The following TP73 variants were observed in gnomAD, a reference collection of about 807,000 sequenced individuals.
The protein encoded by TP73 is tumor protein p73.
In TP73, 25 loss-of-function variants were observed where a neutral mutation model predicts 62.5. That is an observed-to-expected ratio of 0.40 (90% confidence interval 0.29 to 0.56). The LOEUF is 0.56. Ranked by LOEUF, TP73 falls within the 20% of genes least tolerant of loss-of-function variation. TP73 has a pLI of 0.46. For missense variants in TP73, 754 were observed against 913.3 expected, an observed-to-expected ratio of 0.83 and a Z score of 2.25; for synonymous variants, 423 against 377.5, an observed-to-expected ratio of 1.12 and a Z score of -1.40.
chr1:3,688,111 G>T (rs1209281513), intron 3 of TP73, among the ~76,000 whole-genome samples: 1 of 152,138 alleles, frequency 6.6e-6, no homozygotes, highest in Non-Finnish European at 1.5e-5. Context: ...GAGGAAGGGT[G>T]GGGTCATGCG....
rs975812372 is a variant in TP73 at position 3,701,164 on chromosome 1, G to T, written c.187-6385G>T. Among the ~76,000 whole-genome samples, 10 of 152,132 alleles carry T rather than the reference G, an allele frequency of 6.6e-5. No homozygotes were observed. Among genetic ancestry groups the T allele is most frequent in the Non-Finnish European group, 1.2e-4 (8 of 68,026 alleles). On this transcript the variant is annotated intron_variant, in intron 3 of 13. Transcript: ENST00000378295. This position sits in a 1 kb window ranked among gnomAD's most constrained non-coding sequence, Gnocchi z 4.7. ...GCGTCCTGTCGGTACTGGCTATCTG[G>T]ACACCTCGGGGAACAGGAGAGACCC...
intron 6 of TP73, among the ~76,000 whole-genome samples, chr1:3,726,572 T>G (rs1570628048): frequency 1.6e-5 from 2 of 125,786 alleles, no homozygotes; most frequent in South Asian, 2.7e-4. Flanking sequence ...AGATAATAAG[T>G]GGGGGAGTGG....
intron 10 of TP73, 47 bp downstream of exon 10, chr1:3,729,495 C>G (rs1212539272): frequency 1.2e-6 from 2 of 1,610,218 alleles, no homozygotes; most frequent in African/African-American, 2.7e-5. Flanking sequence ...GAGGACATGG[C>G]TTAACCCCCC....
chr1:3,668,888 TG>T (rs1557490814), intron 1 of TP73: 1 of 152,612 alleles, frequency 6.6e-6, no homozygotes, highest in Non-Finnish European at 1.5e-5. Flanking sequence ...TGAGGAGGGT[TG>T]GGGGGAGCAG....
chr1:3,731,158 T>G, intron 12 of TP73, 93 bp downstream of exon 12: 1 of 1,510,244 alleles, frequency 6.6e-7, no homozygotes, highest in Non-Finnish European at 8.9e-7. Context: ...CCCCACCCTG[T>G]GTGCTCACCA....
intron 3 of TP73, among the ~76,000 whole-genome samples, chr1:3,695,032 C>T (rs1261897757): frequency 2.0e-5 from 3 of 152,220 alleles, no homozygotes; most frequent in East Asian, 1.9e-4. Flanking sequence ...ACTGTCCTTC[C>T]ACATGGGGGA....
At chr1:3,725,546 C>T (rs1360607950) in intron 6 of TP73, among the ~76,000 whole-genome samples, 297 of 8,346 alleles carry the variant, frequency 0.036, 1 homozygote, top group Non-Finnish European at 0.051. Context: ...ATAGGGTGGG[C>T]GGATGGATGG....
At position 3,656,709 on chromosome 1, in the gene TP73, G is replaced by A. The variant is rs117365674; in HGVS notation, c.-34+4068G>A. 4.1e-4 allele frequency among the ~76,000 whole-genome samples: 62 copies of A among 152,330 alleles called. 1 individual carries two copies. In the East Asian group the frequency reaches 0.011, roughly 27 times the overall value. On this transcript the variant is annotated intron_variant, in intron 1 of 13. Transcript: ENST00000378295. ...CTGGGTCTGCCGTTGGCTCAGACACGGCCCCCAGACACCTAGGACCGTGGA... is the reference window on the plus strand; with the variant it reads ...CTGGGTCTGCCGTTGGCTCAGACACAGCCCCCAGACACCTAGGACCGTGGA...
In TP73 at chr1:3,707,772, C is replaced by G. The variant is rs2124395749; in HGVS notation, c.410C>G (p.Ala137Gly). 2 of 1,612,860 alleles carry G rather than the reference C, an allele frequency of 1.2e-6. No homozygotes were observed. The highest frequency in any genetic ancestry group is 1.7e-6 in the Non-Finnish European group (2 of 1,179,886). ...FEVTFQQSST[A>G]KSATWTYSPL... is the part of the protein sequence containing the mutation. ...GTCACTTTCCAGCAGTCCAGCACGG[C>G]CAAGTCAGCCACCTGGACGGTGAGT... is the stretch of plus-strand genomic sequence containing the variant. The change falls in exon 4 of 14, where the codon GCC (alanine) becomes GGC (glycine). Residue 137 changes from alanine (A) to glycine (G), a missense_variant. Coordinates refer to ENST00000378295, the MANE Select transcript of TP73 (RefSeq NM_005427.4).
At chr1:3,688,939 G>C (rs1645735911) in intron 3 of TP73, among the ~76,000 whole-genome samples, 1 of 152,150 alleles carries the variant, frequency 6.6e-6, no homozygotes, top group Non-Finnish European at 1.5e-5. Context: ...CTGTGCATGG[G>C]ACTCGCCTGA....
At chr1:3,731,191 G>A (rs1642111714) in intron 12 of TP73, 126 bp downstream of exon 12, 10 of 1,348,056 alleles carry the variant, frequency 7.4e-6, no homozygotes, top group Non-Finnish European at 8.0e-6. Context: ...GATCAGACAG[G>A]CGGGCGGGGG....
chr1:3,689,649 G>A (rs931755240), intron 3 of TP73, among the ~76,000 whole-genome samples: 1 of 151,892 alleles, frequency 6.6e-6, no homozygotes, highest in Admixed American at 6.6e-5. Flanking sequence ...ACGACAGGGA[G>A]GAAGGAAGCT....
At position 3,678,640 on chromosome 1, in the gene TP73, C is replaced by T. The variant is rs922652479; in HGVS notation, c.-33-3693C>T. On this transcript the variant is annotated intron_variant, in intron 1 of 13. Transcript: ENST00000378295. ...GGTCCTGGTTTTGGCTAATGAGGAACCCGATTCCCATGGGGGAGGCCGGTG... is the reference window on the plus strand; with the variant it reads ...GGTCCTGGTTTTGGCTAATGAGGAATCCGATTCCCATGGGGGAGGCCGGTG... Among the ~76,000 whole-genome samples the T allele has an allele frequency of 3.3e-5, 5 of 152,376 alleles. No homozygotes were observed. In the South Asian group the frequency reaches 8.3e-4, roughly 25 times the overall value.
At chr1:3,712,986 C>T (rs1489359619) in intron 4 of TP73, among the ~76,000 whole-genome samples, 2 of 152,184 alleles carry the variant, frequency 1.3e-5, no homozygotes, top group Non-Finnish European at 2.9e-5. Flanking sequence ...TCCCTGTGAC[C>T]CTCAGGGCCC....
chr1:3,728,042 G>T, intron 8 of TP73, 87 bp from the exon 9 acceptor site: 2 of 1,376,178 alleles, frequency 1.5e-6, no homozygotes, highest in Admixed American at 2.0e-5. Flanking sequence ...TTGGCCCCAA[G>T]GGTGGGGCAG....
intron 11 of TP73, 57 bp from the exon 12 acceptor site, chr1:3,730,870 G>T: frequency 6.6e-7 from 1 of 1,526,416 alleles, no homozygotes; most frequent in East Asian, 2.4e-5. Context: ...CTGGGTGGAG[G>T]CTGCACCTGG....
chr1:3,702,711 G>A (rs1017878371), intron 3 of TP73, among the ~76,000 whole-genome samples: 4 of 152,252 alleles, frequency 2.6e-5, no homozygotes, highest in Non-Finnish European at 4.4e-5. Context: ...TCTGGCTCCC[G>A]CGCACTCCTT....
intron 1 of TP73, among the ~76,000 whole-genome samples, chr1:3,658,191 A>G (rs138491792): frequency 1.1e-4 from 17 of 152,340 alleles, no homozygotes; most frequent in Admixed American, 3.3e-4. Context: ...TGGGGGACAC[A>G]TTAGGGATGG....
chr1:3,673,316 G>C (rs4648546), intron 1 of TP73, among the ~76,000 whole-genome samples: 72,541 of 152,032 alleles, frequency 0.48, 17,960 homozygotes, highest in Admixed American at 0.58. Flanking sequence ...CAGTTCTGTC[G>C]CTCAGCCTGG....
Sources: allele counts gnomAD v4.1 joint callset (sites outside exome capture counted in the v4.1 genomes callset), GRCh38; gene constraint gnomAD v4.1.1; non-coding constraint Gnocchi (gnomAD v3.1); transcripts MANE v1.5; gene names NCBI Gene and HGNC (gene_info 2026-07-23, HGNC 2026-07-21).